The following CNTNAP5 variants were observed in gnomAD, a reference collection of about 807,000 sequenced individuals.
The protein encoded by CNTNAP5 is contactin associated protein family member 5.
In CNTNAP5, 72 loss-of-function variants were observed where a neutral mutation model predicts 150.2. That is an observed-to-expected ratio of 0.48 (90% confidence interval 0.40 to 0.58). CNTNAP5 has a LOEUF of 0.58. Among genes scored for constraint, CNTNAP5 ranks in the 20% least tolerant of loss-of-function variants. The probability of loss-of-function intolerance (pLI) is 0.00; values close to 1 mark genes in which losing one functional copy is unlikely to be tolerated. For synonymous variants in CNTNAP5, 672 were observed against 619.8 expected (o/e 1.08, Z -1.25); for missense variants, 1,636 against 1,626.2 (o/e 1.01, Z -0.10).
intron 1 of CNTNAP5, among the ~76,000 whole-genome samples, chr2:124,055,230 C>G (rs1362805205): frequency 1.3e-5 from 2 of 152,160 alleles, no homozygotes; most frequent in African/African-American, 2.4e-5. Flanking sequence ...TGACATTTTA[C>G]TTTTAAAACT....
chr2:124,065,105 T>C (rs1286664449), intron 1 of CNTNAP5, among the ~76,000 whole-genome samples: 1 of 152,148 alleles, frequency 6.6e-6, no homozygotes, highest in African/African-American at 2.4e-5. Context: ...AAGAGCTGAA[T>C]GGTTTGAGTA....
intron 6 of CNTNAP5, among the ~76,000 whole-genome samples, chr2:124,447,192 ATT>A (rs78640610): frequency 2.2e-4 from 28 of 128,422 alleles, no homozygotes; most frequent in Middle Eastern, 4.4e-3. Flanking sequence ...TTTCCTTCTC[ATT>A]TTTTTTTTTC....
At chr2:124,861,858 C>T (rs62173280) in intron 19 of CNTNAP5, among the ~76,000 whole-genome samples, 1 of 151,998 alleles carries the variant, frequency 6.6e-6, no homozygotes, top group African/African-American at 2.4e-5. Flanking sequence ...CTATCGCCCA[C>T]GCTGGAGTGC....
At chr2:124,258,328 T>C (rs754944546) in intron 3 of CNTNAP5, among the ~76,000 whole-genome samples, 1 of 152,210 alleles carries the variant, frequency 6.6e-6, no homozygotes, top group Non-Finnish European at 1.5e-5. Flanking sequence ...TGACCAAAGA[T>C]GATCTGACAG....
chr2:124,627,901 A>G (rs1011595645), intron 12 of CNTNAP5, among the ~76,000 whole-genome samples: 18 of 152,212 alleles, frequency 1.2e-4, no homozygotes, highest in Non-Finnish European at 1.5e-5. Flanking sequence ...AAAACACAGC[A>G]CAAGACAATC....
intron 11 of CNTNAP5, among the ~76,000 whole-genome samples, chr2:124,575,425 AT>A (rs1275670292): frequency 1.3e-5 from 2 of 152,190 alleles, no homozygotes; most frequent in Non-Finnish European, 2.9e-5. Context: ...GCCTTTCATT[AT>A]TTGGAACGCT....
intron 22 of CNTNAP5, among the ~76,000 whole-genome samples, 163 bp downstream of exon 22, chr2:124,903,263 A>AC (rs769000448): frequency 6.6e-5 from 10 of 152,220 alleles, no homozygotes; most frequent in Non-Finnish European, 1.2e-4. Context: ...GTGATTTTAT[A>AC]CATATTTGAT....
At chr2:124,606,134 C>T (rs1339894560) in intron 11 of CNTNAP5, among the ~76,000 whole-genome samples, 1 of 151,898 alleles carries the variant, frequency 6.6e-6, no homozygotes, top group Non-Finnish European at 1.5e-5. Flanking sequence ...TCAAGAAAAA[C>T]TAAATTTTGT....
chr2:124,448,904 G>A (rs1376548806), intron 6 of CNTNAP5, among the ~76,000 whole-genome samples: 6 of 152,036 alleles, frequency 3.9e-5, no homozygotes, highest in South Asian at 2.1e-4. Context: ...AGAATCTTAC[G>A]TTTGGATACA....
intron 22 of CNTNAP5, among the ~76,000 whole-genome samples, chr2:124,908,147 C>A (rs945781014): frequency 2.0e-5 from 3 of 151,886 alleles, no homozygotes; most frequent in African/African-American, 7.3e-5. Context: ...CCAAGGAGGG[C>A]AGATCACAAG....
intron 11 of CNTNAP5, among the ~76,000 whole-genome samples, chr2:124,607,585 C>T (rs964379576): frequency 1.3e-5 from 2 of 152,172 alleles, no homozygotes; most frequent in East Asian, 1.9e-4. Flanking sequence ...CTGTCCATCA[C>T]GGGAATTACC....
intron 3 of CNTNAP5, among the ~76,000 whole-genome samples, chr2:124,386,383 A>G (rs1466193871): frequency 3.3e-5 from 5 of 152,200 alleles, no homozygotes; most frequent in African/African-American, 1.2e-4. Flanking sequence ...AGTTTAATCT[A>G]GTTCTCACCC....
chr2:124,745,561 A>G (rs1680586998), intron 13 of CNTNAP5, among the ~76,000 whole-genome samples: 1 of 152,216 alleles, frequency 6.6e-6, no homozygotes, highest in Non-Finnish European at 1.5e-5. Flanking sequence ...GCAGGGATTT[A>G]GGAAGAAAAC....
chr2:124,756,097 AT>A (rs1680834542), intron 14 of CNTNAP5, among the ~76,000 whole-genome samples: 1 of 152,104 alleles, frequency 6.6e-6, no homozygotes, highest in African/African-American at 2.4e-5. Context: ...TTTTATTATT[AT>A]TTTCTCCATT....
intron 3 of CNTNAP5, among the ~76,000 whole-genome samples, chr2:124,284,096 G>A (rs1361908191): frequency 6.6e-6 from 1 of 152,114 alleles, no homozygotes. Flanking sequence ...TCTGTTACTG[G>A]AACACAGGAT....
rs770540587 is a variant in CNTNAP5, at chr2:124,699,749, CTCAGTT to C, written c.2078-47475_2078-47470del. The stretch of plus-strand genomic sequence containing the variant: ...GTCACTGCCAGGCTCTCCCACAATT[CTCAGTT>C]TCAGAGTCCTATAATTTGTTCTTTC... On this transcript the variant is annotated intron_variant, in intron 13 of 23. Coordinates refer to ENST00000682447, the MANE Select transcript of CNTNAP5 (RefSeq NM_001367498.1). 7.5e-4 allele frequency among the ~76,000 whole-genome samples: 114 copies of C among 152,276 alleles called. 2 individuals are homozygous for C. The highest frequency in any genetic ancestry group is 3.4e-3 in the Middle Eastern group (1 of 294).
At chr2:124,791,207 G>GCT (rs528865267) in intron 18 of CNTNAP5, among the ~76,000 whole-genome samples, 169 of 152,272 alleles carry the variant, frequency 1.1e-3, no homozygotes, top group African/African-American at 3.8e-3. Context: ...AGCACTCACT[G>GCT]TTTTATTTGA....
At chr2:124,332,182 T>G (rs1689364548) in intron 3 of CNTNAP5, among the ~76,000 whole-genome samples, 1 of 151,676 alleles carries the variant, frequency 6.6e-6, no homozygotes, top group Admixed American at 6.6e-5. Flanking sequence ...ACTAAATCCA[T>G]ATTTTTAAAG....
At chr2:124,601,219 A>G (rs1171286070) in intron 11 of CNTNAP5, among the ~76,000 whole-genome samples, 1 of 152,236 alleles carries the variant, frequency 6.6e-6, no homozygotes, top group Non-Finnish European at 1.5e-5. Context: ...GAAAACATTT[A>G]TATAGAAAGA....
Sources: allele counts gnomAD v4.1 joint callset (sites outside exome capture counted in the v4.1 genomes callset), GRCh38; gene constraint gnomAD v4.1.1; transcripts MANE v1.5; gene names NCBI Gene and HGNC (gene_info 2026-07-23, HGNC 2026-07-21).